The following IFT140 variants were observed in gnomAD, a reference collection of about 807,000 sequenced individuals.
The protein encoded by IFT140 is intraflagellar transport 140.
IFT140 carries 133 observed loss-of-function variants against 164.6 expected under a neutral mutation model. That is an observed-to-expected ratio of 0.81 (90% CI 0.70 to 0.93). The LOEUF (loss-of-function observed/expected upper bound fraction) is 0.93, where lower values mean the gene tolerates loss of function less well. IFT140 is among the 40% of genes least tolerant of loss of function. The pLI, the probability that IFT140 is intolerant of heterozygous loss-of-function variation, is 0.00. For synonymous variants in IFT140, 860 were observed against 817.3 expected (o/e 1.05, Z -0.89); for missense variants, 2,045 against 1,972.3 (o/e 1.04, Z -0.70).
Position 1,541,543 on chromosome 16 carries a change from C to T in IFT140, c.2400-14747G>A, listed in dbSNP as rs1397952768. ...GCTGTGAATTCAGTGACAGGGAAGC[C>T]GGTGTTGCTGGTGGGCTTCCCCTTC... is the stretch of plus-strand genomic sequence containing the variant. On this transcript the variant is annotated intron_variant, in intron 19 of 30. Transcript: ENST00000426508. The T allele has an allele frequency of 5.1e-6, 5 of 980,544 alleles. No individual in the cohort carries two copies. In the South Asian group the frequency reaches 1.9e-4, roughly 37 times the overall value. The allele number at this position is 980,544 out of a possible 1,614,324, so 60.7% of individuals were successfully genotyped here.
chr16:1,591,467 C>T (rs144489924), intron 6 of IFT140, among the ~76,000 whole-genome samples: 4 of 152,352 alleles, frequency 2.6e-5, no homozygotes, highest in South Asian at 4.1e-4. Context: ...TGTCAAGATC[C>T]GGCTGCTTGG....
At position 1,566,255 on chromosome 16, in the gene IFT140, C is replaced by T. The variant is rs138674110; in HGVS notation, c.1807G>A (p.Asp603Asn). The change falls in exon 16 of 31, where the codon GAT becomes AAT. Residue 603 changes from aspartate (D) to asparagine (N), a missense_variant. Transcript: ENST00000426508. ...ACGGTCACTGTGTCCATTTCAACAT[C>T]GTAGAAGCAGATTTTGGAATCAGGG... Reference protein sequence around the residue: ...NSPDSKICFYDVEMDTVTVFD... With the variant: ...NSPDSKICFYNVEMDTVTVFD... The T allele has an allele frequency of 1.2e-5, 20 of 1,613,612 alleles. No individual in the cohort carries two copies. The highest frequency in any genetic ancestry group is 1.6e-4 in the Middle Eastern group (1 of 6,078).
At chr16:1,524,960 T>C (rs2040638887) in intron 22 of IFT140, 44 bp from the exon 23 acceptor site, 2 of 1,575,134 alleles carry the variant, frequency 1.3e-6, no homozygotes, top group East Asian at 4.5e-5. Context: ...CGAGCCCCGC[T>C]CCAACCCGGG....
chr16:1,540,908 A>G (rs1463883417), intron 19 of IFT140: 5 of 985,312 alleles, frequency 5.1e-6, no homozygotes, highest in Middle Eastern at 5.2e-4. Flanking sequence ...CTCCAGGCTG[A>G]GTGTCTGTCA....
In IFT140 at chr16:1,511,126, G is replaced by GCCT. The variant is rs1289932651; in HGVS notation, c.4206_4207insAGG (p.Arg1405dup). The GCCT allele has an allele frequency of 6.2e-7, 1 of 1,608,222 alleles. No individual in the cohort carries two copies. The highest frequency in any genetic ancestry group is 8.5e-7 in the Non-Finnish European group (1 of 1,178,144). ...ATGTTGGCCAAGGGAAGCCGCCGCC[G>GCCT]CATCTCCTCCAGGAATCTGTAGGCC... On this transcript the variant is annotated inframe_insertion, in exon 31 of 31. Transcript: ENST00000426508.
Position 1,510,797 on chromosome 16 carries a change from G to T in IFT140, c.*147C>A. The T allele has an allele frequency of 1.3e-6, 1 of 764,290 alleles. No homozygotes were observed. The highest frequency in any genetic ancestry group is 2.2e-6 in the Non-Finnish European group (1 of 458,100). The allele number at this position is 764,290 out of a possible 1,614,324, so 47.3% of individuals were successfully genotyped here. A position where few individuals can be genotyped will look rare whatever the true frequency, so the allele number is the denominator to read the frequency against. On this transcript the variant is annotated 3_prime_UTR_variant, in exon 31 of 31. Transcript: ENST00000426508. Reference sequence around the variant, plus strand: ...ACGGGTCACACCCTCCGCCGGCCCGGGCCGCTGCGTTCTCGCCCAGCTCTG... The same window carrying T: ...ACGGGTCACACCCTCCGCCGGCCCGTGCCGCTGCGTTCTCGCCCAGCTCTG...
chr16:1,587,769 T>A (rs2034965287), intron 8 of IFT140, among the ~76,000 whole-genome samples, 164 bp downstream of exon 8: 1 of 152,144 alleles, frequency 6.6e-6, no homozygotes, highest in African/African-American at 2.4e-5. Context: ...CTCTTAATGC[T>A]CAGCTCCTCA....
rs2036119612 is a variant in IFT140 at position 1,607,210 on chromosome 16, T to C, written c.57A>G (p.Ser19=). 2 of 1,614,002 alleles carry C rather than the reference T, an allele frequency of 1.2e-6. No homozygotes were observed. Among genetic ancestry groups the C allele is most frequent in the East Asian group, 2.2e-5 (1 of 44,880 alleles). ...IEAPDAAGSP[S]FISWHPVHPF... ...GATGGACAGGGTGCCAGCTGATAAA[T>C]GAGGGTGACCCTGCTGCATCCGGGG... The change falls in exon 3 of 31, where the codon TCA becomes TCG. Residue 19 remains serine (S), a synonymous_variant. Coordinates refer to ENST00000426508, the MANE Select transcript of IFT140 (RefSeq NM_014714.4).
intron 9 of IFT140, among the ~76,000 whole-genome samples, chr16:1,586,909 GTA>G (rs2034916080): frequency 1.3e-5 from 2 of 152,178 alleles, no homozygotes; most frequent in Non-Finnish European, 2.9e-5. Flanking sequence ...GTCTCACTAT[GTA>G]GCTCAGGCTG....
At chr16:1,537,704 G>A (rs1418016636) in intron 19 of IFT140, among the ~76,000 whole-genome samples, 2 of 152,198 alleles carry the variant, frequency 1.3e-5, no homozygotes, top group African/African-American at 2.4e-5. Context: ...GGATATTTAC[G>A]TCATCTCTCT....
chr16:1,562,147 T>C, intron 17 of IFT140, 31 bp from the exon 18 acceptor site: 1 of 1,530,500 alleles, frequency 6.5e-7, no homozygotes, highest in South Asian at 1.3e-5. Context: ...CTGTTCTGTT[T>C]TTTTTTTTAA....
chr16:1,530,357 T>C (rs573777631), intron 19 of IFT140, among the ~76,000 whole-genome samples: 3 of 152,144 alleles, frequency 2.0e-5, no homozygotes, highest in South Asian at 2.1e-4. Flanking sequence ...GGTCTCGATC[T>C]CTTGACCTTG....
chr16:1,595,966 G>GA (rs1567419014), intron 4 of IFT140, among the ~76,000 whole-genome samples: 2 of 152,046 alleles, frequency 1.3e-5, no homozygotes, highest in Non-Finnish European at 2.9e-5. Flanking sequence ...TGAGGCACAA[G>GA]AATTGCTTGA....
At chr16:1,582,262 C>T (rs2034612379) in intron 12 of IFT140, among the ~76,000 whole-genome samples, 1 of 152,068 alleles carries the variant, frequency 6.6e-6, no homozygotes, top group African/African-American at 2.4e-5. Flanking sequence ...CCAGGTAGGC[C>T]CTAAATACAC....
intron 19 of IFT140, among the ~76,000 whole-genome samples, chr16:1,542,856 G>C (rs3784830): frequency 0.15 from 22,368 of 152,310 alleles, 1,836 homozygotes; most frequent in Admixed American, 0.23. Context: ...CAACGCTCTA[G>C]ACCCAGCAAC....
At chr16:1,568,666 G>A (rs2033854174) in intron 14 of IFT140, among the ~76,000 whole-genome samples, 1 of 152,128 alleles carries the variant, frequency 6.6e-6, no homozygotes, top group Admixed American at 6.5e-5. Context: ...CAGATTATTT[G>A]AGGGTTGAAG....
At position 1,579,920 on chromosome 16, in the gene IFT140, C is replaced by T. The variant is rs533554798; in HGVS notation, c.1524+839G>A. Among the ~76,000 whole-genome samples, 9 of 150,298 alleles carry T rather than the reference C, an allele frequency of 6.0e-5. No homozygotes were observed. In the East Asian group the frequency reaches 1.6e-3, roughly 26 times the overall value. On this transcript the variant is annotated intron_variant, in intron 13 of 30. Coordinates refer to ENST00000426508, the MANE Select transcript of IFT140 (RefSeq NM_014714.4). ...CGGAGATTGCAGCGAGCTGAGATCA[C>T]GCCACTGTACTCCAGCCTGGGCGAC...
intron 19 of IFT140, among the ~76,000 whole-genome samples, chr16:1,552,146 G>A (rs1384914044): frequency 6.6e-6 from 1 of 152,138 alleles, no homozygotes; most frequent in African/African-American, 2.4e-5. Context: ...ACACGTTTCT[G>A]TAACACCCGC....
Position 1,510,955 on chromosome 16 carries a change from C to CT in IFT140, c.4377_4378insA (p.Asp1460ArgfsTer60), listed in dbSNP as rs753109181. The stretch of plus-strand genomic sequence containing the variant: ...GGGGCCCAGGCCCCTCAGGGGTCGT[C>CT]ATCTGCCTCTTCCACCACCTCCTCG... On this transcript the variant is annotated frameshift_variant, in exon 31 of 31. Coordinates refer to ENST00000426508, the MANE Select transcript of IFT140 (RefSeq NM_014714.4). LOFTEE classifies it high-confidence loss of function. 8 of 1,611,612 alleles carry CT rather than the reference C, an allele frequency of 5.0e-6. No individual in the cohort carries two copies. In the African/African-American group the frequency reaches 1.1e-4, roughly 22 times the overall value.
Sources: allele counts gnomAD v4.1 joint callset (sites outside exome capture counted in the v4.1 genomes callset), GRCh38; gene constraint gnomAD v4.1.1; transcripts MANE v1.5; gene names NCBI Gene and HGNC (gene_info 2026-07-23, HGNC 2026-07-21).